ARHGEF26: variants seen among roughly 807,000 people sequenced by gnomAD.
ARHGEF26 encodes Rho guanine nucleotide exchange factor (GEF) 26.
A neutral mutation model predicts 89.4 loss-of-function variants in ARHGEF26; 59 were observed. That is an observed-to-expected ratio of 0.66 (90% CI 0.54 to 0.82). The LOEUF (loss-of-function observed/expected upper bound fraction) is 0.82. ARHGEF26 is among the 40% of genes least tolerant of loss of function. The pLI is 0.00. For missense variants in ARHGEF26, 1,234 were observed against 1,085.6 expected (o/e 1.14, Z -1.92); for synonymous variants, 500 against 428.4 (o/e 1.17, Z -2.06).
intron 6 of ARHGEF26, among the ~76,000 whole-genome samples, chr3:154,173,465 A>G (rs1180275370): frequency 2.0e-5 from 3 of 152,214 alleles, no homozygotes; most frequent in African/African-American, 7.2e-5. Context: ...TACAGTTCTT[A>G]CAGAGTATCA....
intron 8 of ARHGEF26, 39 bp from the exon 9 acceptor site, chr3:154,194,605 A>G: frequency 1.4e-6 from 2 of 1,441,716 alleles, no homozygotes; most frequent in Non-Finnish European, 9.6e-7. Context: ...ACTTAATAAA[A>G]TAGATCAATA....
chr3:154,225,692 G>A (rs1576801610), intron 10 of ARHGEF26, 164 bp from the exon 11 acceptor site: 4 of 561,724 alleles, frequency 7.1e-6, no homozygotes, highest in Non-Finnish European at 1.1e-5. Flanking sequence ...CTTGAAGAAT[G>A]CACTGTACTT....
At chr3:154,233,829 G>GA (rs1263901247) in intron 11 of ARHGEF26, among the ~76,000 whole-genome samples, 4 of 152,186 alleles carry the variant, frequency 2.6e-5, no homozygotes, top group Non-Finnish European at 5.9e-5. Flanking sequence ...ACAAGGGTCT[G>GA]AAAAAACGCA....
intron 11 of ARHGEF26, among the ~76,000 whole-genome samples, chr3:154,239,311 T>A (rs951106644): frequency 0.04 from 2,306 of 58,180 alleles, 22 homozygotes; most frequent in African/African-American, 0.055. Flanking sequence ...TGTGTGTGTG[T>A]GTGTGTGTGT....
At chr3:154,203,717 T>C (rs900023186) in intron 9 of ARHGEF26, among the ~76,000 whole-genome samples, 2 of 152,190 alleles carry the variant, frequency 1.3e-5, no homozygotes, top group Non-Finnish European at 2.9e-5. Context: ...CAAATGCTTT[T>C]TCTGCACAAT....
chr3:154,203,433 A>G (rs1233485233), intron 9 of ARHGEF26, among the ~76,000 whole-genome samples: 2 of 152,162 alleles, frequency 1.3e-5, no homozygotes, highest in Non-Finnish European at 2.9e-5. Flanking sequence ...ATCTGCAAAC[A>G]GGATAATTTG....
intron 6 of ARHGEF26, among the ~76,000 whole-genome samples, chr3:154,172,060 A>G (rs533319075): frequency 6.6e-6 from 1 of 152,316 alleles, no homozygotes; most frequent in South Asian, 2.1e-4. Context: ...GAGGATCAGT[A>G]TTTTGTGCCA....
chr3:154,123,039 A>G lies in ARHGEF26; in HGVS notation c.1047A>G (p.Glu349=), dbSNP rs746710814. 26 of 1,613,898 alleles carry G rather than the reference A, an allele frequency of 1.6e-5. No individual in the cohort carries two copies. Among genetic ancestry groups the G allele is most frequent in the Non-Finnish European group, 1.4e-5 (17 of 1,179,902 alleles). The change falls in exon 2 of 15, where the codon GAA becomes GAG. Residue 349 remains glutamate (E), a synonymous_variant. Transcript: ENST00000465093. ...AGCCTGTTCTGAAAGTGGTGATGGA[A>G]GACAAGGAGAAGTTTTCCAGTCTGG... ...MSQPVLKVVM[E]DKEKFSSLGR...
At position 154,122,614 on chromosome 3, in the gene ARHGEF26, A is replaced by G. The variant is rs1316700375; in HGVS notation, c.622A>G (p.Lys208Glu). ...ACGGGGGCTCTTTCCTGGGCCCCAG[A>G]AAAGTTCTTCGGAACAAAAACTCCC... ...PERGLFPGPQ[K>E]SSSEQKLPLQ... The change falls in exon 2 of 15, where the codon AAA becomes GAA. Residue 208 changes from lysine to glutamate, a missense_variant. Lys to Glu is a moderately conservative substitution (Grantham distance 56). Transcript: ENST00000465093. 2 of 1,613,702 alleles carry G rather than the reference A, an allele frequency of 1.2e-6. No individual in the cohort carries two copies. Among genetic ancestry groups the G allele is most frequent in the African/African-American group, 2.7e-5 (2 of 74,940 alleles).
At chr3:154,192,948 T>C (rs1480336121) in intron 8 of ARHGEF26, among the ~76,000 whole-genome samples, 5 of 152,198 alleles carry the variant, frequency 3.3e-5, no homozygotes, top group South Asian at 2.1e-4. Context: ...TTGAGAAAAT[T>C]ACTTGTATGG....
At chr3:154,129,473 A>G (rs2108046810) in intron 3 of ARHGEF26, 101 bp from the exon 4 acceptor site, 1 of 1,277,058 alleles carries the variant, frequency 7.8e-7, no homozygotes, top group East Asian at 2.5e-5. Context: ...CTCTGTTTAT[A>G]AAATTGGAGG....
intron 7 of ARHGEF26, among the ~76,000 whole-genome samples, chr3:154,188,491 T>A (rs73160555): frequency 0.017 from 2,620 of 152,378 alleles, 34 homozygotes; most frequent in Middle Eastern, 0.031. Flanking sequence ...GCCATCTGTG[T>A]CCTTAAAAGA....
Position 154,129,649 on chromosome 3 carries a change from A to T in ARHGEF26, c.1199A>T (p.Glu400Val), listed in dbSNP as rs1718556689. 6.2e-7 allele frequency: 1 copy of T among 1,612,036 alleles called. No homozygotes were observed. The highest frequency in any genetic ancestry group is 1.3e-5 in the African/African-American group (1 of 74,922). ...IDSDEESEPK[E>V]QKSDEKIVIH... The stretch of plus-strand genomic sequence containing the variant: ...TCTGATGAAGAGTCAGAGCCCAAAG[A>T]ACAGAAGTCAGATGAAAAAATTGTG... Residue 400 changes from glutamate (E) to valine (V), a missense_variant, in exon 4 of 15, where the codon GAA (glutamate) becomes GTA (valine). By Grantham distance (121) the Glu-to-Val change is moderately radical. Transcript: ENST00000465093.
At chr3:154,222,565 G>T (rs1305828342) in intron 10 of ARHGEF26, among the ~76,000 whole-genome samples, 1 of 152,204 alleles carries the variant, frequency 6.6e-6, no homozygotes, top group Non-Finnish European at 1.5e-5. Context: ...AATTATTTAA[G>T]AGATATAAAG....
At chr3:154,216,502 ATTTTTTATTT>A (rs1353706443) in intron 9 of ARHGEF26, among the ~76,000 whole-genome samples, 3 of 49,120 alleles carry the variant, frequency 6.1e-5, no homozygotes, top group African/African-American at 2.4e-4. Flanking sequence ...ATTTTTTTTT[ATTTTTTATTT>A]TTTTTTTATG....
chr3:154,226,026 G>T lies in ARHGEF26; in HGVS notation c.2090+16G>T. On this transcript the variant is annotated intron_variant, in intron 11 of 14. Transcript: ENST00000465093. ...AGAAGAAGAGGTAAGTCTTTATCTG[G>T]TGTTGCTGACTAGACATTCCAGTTT... 6.3e-7 allele frequency: 1 copy of T among 1,599,986 alleles called. No homozygotes were observed. The highest frequency in any genetic ancestry group is 1.1e-5 in the South Asian group (1 of 88,660).
At chr3:154,141,800 TTTCTG>T (rs1480050509) in intron 4 of ARHGEF26, among the ~76,000 whole-genome samples, 6 of 152,242 alleles carry the variant, frequency 3.9e-5, no homozygotes, top group Admixed American at 1.3e-4. Context: ...TTTTAATTTT[TTTCTG>T]TTCTGTTACA....
At chr3:154,207,234 CA>C (rs1389789539) in intron 9 of ARHGEF26, among the ~76,000 whole-genome samples, 1 of 152,068 alleles carries the variant, frequency 6.6e-6, no homozygotes, top group African/African-American at 2.4e-5. Context: ...ACAGTCGTGA[CA>C]AAAGCAAAAA....
At chr3:154,250,052 C>CG (rs1026689984) in intron 12 of ARHGEF26, among the ~76,000 whole-genome samples, 1 of 151,838 alleles carries the variant, frequency 6.6e-6, no homozygotes, top group African/African-American at 2.4e-5. Context: ...TTTTTTGAGA[C>CG]GGAGTTTTGC....
Sources: gnomAD v4.1 joint callset for allele counts (sites outside exome capture counted in the v4.1 genomes callset) on GRCh38, gnomAD v4.1.1 for gene constraint, MANE v1.5 for transcripts, NCBI Gene and HGNC (gene_info 2026-07-23, HGNC 2026-07-21) for gene names.